HACD1: variants seen among roughly 807,000 people sequenced by gnomAD.
HACD1 encodes 3-hydroxyacyl-CoA dehydratase 1.
HACD1 carries 41 observed loss-of-function variants against 32.0 expected under a neutral mutation model. That is an observed-to-expected ratio of 1.28 (90% CI 1.00 to 1.66). HACD1 has a LOEUF of 1.66. Among genes scored for constraint, HACD1 ranks in the 40% most tolerant of loss-of-function variants. The pLI, the probability that HACD1 is intolerant of heterozygous loss-of-function variation, is 0.00. For synonymous variants in HACD1, 142 were observed against 139.0 expected (o/e 1.02, Z -0.15); for missense variants, 396 against 380.1 (o/e 1.04, Z -0.35).
rs1834057550 is a variant in HACD1, at chr10:17,600,665, T to C, written c.484-1254A>G. On this transcript the variant is annotated intron_variant, in intron 4 of 6. Transcript: ENST00000361271. ...TACTGTACTTTGTTCATATCTGTGT[T>C]GTGGCATTTGCCAATCTGTACTAAG... Among the ~76,000 whole-genome samples the C allele has an allele frequency of 3.3e-5, 5 of 152,124 alleles. No individual in the cohort carries two copies. The South Asian group carries it at 1.0e-3, about 32-fold the overall frequency.
rs190887510 is a variant in HACD1, at chr10:17,594,898, G to A, written c.606-515C>T. ...TTTTGAGATGGAGTCTTACTCTGTC[G>A]CCTAGACTGGAGTGCAGTGGCACAA... On this transcript the variant is annotated intron_variant, in intron 5 of 6. Transcript: ENST00000361271. Among the ~76,000 whole-genome samples the A allele has an allele frequency of 5.6e-3, 788 of 141,322 alleles. 5 individuals are homozygous for A. Among genetic ancestry groups the A allele is most frequent in the African/African-American group, 0.019 (728 of 37,552 alleles). The allele number at this position is 141,322 out of a possible 152,430, so 92.7% of individuals were successfully genotyped here.
intron 1 of HACD1, among the ~76,000 whole-genome samples, chr10:17,613,104 G>C (rs1833015751): frequency 1.5e-5 from 1 of 64,732 alleles, no homozygotes; most frequent in African/African-American, 7.2e-5. Flanking sequence ...TGGGGTGTGT[G>C]TGTGTGTGTG....
chr10:17,613,144 G>GTGTTT (rs1554817711), intron 1 of HACD1, among the ~76,000 whole-genome samples: 3,636 of 128,592 alleles, frequency 0.028, 58 homozygotes, highest in Non-Finnish European at 0.036. Context: ...GTGTGTGTGT[G>GTGTTT]TGTTTTGTTT....
Position 17,617,227 on chromosome 10 carries a change from G to A in HACD1, c.113C>T (p.Ala38Val). ...GTCCTCGTCGCTGGACGCCATGGTG[G>A]CCGCGCACCTGGGGGACGTGGGAGA... is the stretch of plus-strand genomic sequence containing the variant. Reference protein sequence around the residue: ...PLSPTSPRCAATMASSDEDGT... With the variant: ...PLSPTSPRCAVTMASSDEDGT... The change falls in exon 1 of 7, where the codon GCC (alanine) becomes GTC (valine). Residue 38 changes from alanine to valine, a missense_variant. Coordinates refer to ENST00000361271, the MANE Select transcript of HACD1 (RefSeq NM_014241.4). 6.7e-7 allele frequency: 1 copy of A among 1,491,732 alleles called. No individual in the cohort carries two copies. The highest frequency in any genetic ancestry group is 8.9e-7 in the Non-Finnish European group (1 of 1,126,086). The allele number at this position is 1,491,732 out of a possible 1,614,324, so 92.4% of individuals were successfully genotyped here. A position where few individuals can be genotyped will look rare whatever the true frequency, so the allele number is the denominator to read the frequency against.
chr10:17,597,635 C>T (rs1028251456), intron 5 of HACD1, among the ~76,000 whole-genome samples: 3 of 152,146 alleles, frequency 2.0e-5, no homozygotes, highest in Non-Finnish European at 2.9e-5. Flanking sequence ...AAATTCAGCA[C>T]ATGAAAAGAG....
rs148680393 is a variant in HACD1 at position 17,610,156 on chromosome 10, T to C, written c.258-6109A>G. On this transcript the variant is annotated intron_variant, in intron 1 of 6. Coordinates refer to ENST00000361271, the MANE Select transcript of HACD1 (RefSeq NM_014241.4). The stretch of plus-strand genomic sequence containing the variant: ...TAGCAAAAACTGAAGAGAGCCCAAA[T>C]GTCCATCAACAAATGGATGGATGAA... Among the ~76,000 whole-genome samples, 692 of 152,246 alleles carry C rather than the reference T, an allele frequency of 4.5e-3. 3 individuals carry two copies. The highest frequency in any genetic ancestry group is 0.015 in the African/African-American group (634 of 41,552).
intron 1 of HACD1, among the ~76,000 whole-genome samples, chr10:17,611,094 G>A (rs947461873): frequency 1.3e-5 from 2 of 150,444 alleles, no homozygotes; most frequent in East Asian, 2.0e-4. Context: ...TCTGCCTCCC[G>A]GGTTCAAGAG....
intron 6 of HACD1, among the ~76,000 whole-genome samples, chr10:17,591,298 C>T (rs1833925070): frequency 1.3e-5 from 2 of 152,100 alleles, no homozygotes; most frequent in Non-Finnish European, 2.9e-5. Flanking sequence ...ACCCTCAGGA[C>T]CATGGATCAA....
intron 1 of HACD1, among the ~76,000 whole-genome samples, chr10:17,604,313 G>T (rs941375231): frequency 6.6e-6 from 1 of 151,848 alleles, no homozygotes; most frequent in African/African-American, 2.4e-5. Context: ...GTGAAACCCC[G>T]TCTCTACTAA....
At chr10:17,608,788 A>G (rs568400795) in intron 1 of HACD1, among the ~76,000 whole-genome samples, 3 of 152,266 alleles carry the variant, frequency 2.0e-5, no homozygotes, top group African/African-American at 7.2e-5. Context: ...CGTCTGGCCC[A>G]TACTTTCATA....
chr10:17,595,781 G>C (rs11254677), intron 5 of HACD1, among the ~76,000 whole-genome samples: 1,881 of 152,114 alleles, frequency 0.012, 27 homozygotes, highest in African/African-American at 0.042. Context: ...AGAGGCCAGA[G>C]TGCAAGACCA....
chr10:17,598,259 CAAAAA>C (rs34543137), intron 5 of HACD1, among the ~76,000 whole-genome samples: 1 of 89,848 alleles, frequency 1.1e-5, no homozygotes. Context: ...GACCCTGTCT[CAAAAA>C]AAAAAAAAAA....
intron 1 of HACD1, among the ~76,000 whole-genome samples, chr10:17,613,949 G>A (rs1447274136): frequency 1.3e-5 from 2 of 152,288 alleles, no homozygotes; most frequent in Non-Finnish European, 1.5e-5. Flanking sequence ...AAGGGGAATC[G>A]GGAGCAGATT....
Position 17,617,197 on chromosome 10 carries a change from G to C in HACD1, c.143C>G (p.Thr48Ser). ...ATMASSDEDGTNGGASEAGED... is the reference protein window; with the variant it reads ...ATMASSDEDGSNGGASEAGED... ...GCCGGCCTCCGAGGCGCCGCCGTTG[G>C]TGCCGTCCTCGTCGCTGGACGCCAT... The change falls in exon 1 of 7, where the codon ACC becomes AGC. Residue 48 changes from threonine to serine, a missense_variant. By Grantham distance (58) the Thr-to-Ser change is moderately conservative (BLOSUM62 1). Transcript: ENST00000361271. 6.7e-7 allele frequency: 1 copy of C among 1,501,222 alleles called. No individual in the cohort carries two copies. 93.0% of individuals were successfully genotyped at this position (1,501,222 alleles called of 1,614,324 possible). A position where few individuals can be genotyped will look rare whatever the true frequency, so the allele number is the denominator to read the frequency against.
chr10:17,601,065 G>A (rs540367574), intron 4 of HACD1, among the ~76,000 whole-genome samples: 5 of 149,502 alleles, frequency 3.3e-5, no homozygotes, highest in African/African-American at 4.9e-5. Context: ...ACAGAATCTC[G>A]CTCTGTCACC....
At chr10:17,606,495 T>C (rs1269700120) in intron 1 of HACD1, among the ~76,000 whole-genome samples, 1 of 152,206 alleles carries the variant, frequency 6.6e-6, no homozygotes, top group Non-Finnish European at 1.5e-5. Flanking sequence ...TTTTAGATAG[T>C]CTCCAAAGAG....
intron 1 of HACD1, among the ~76,000 whole-genome samples, chr10:17,611,859 C>T (rs1470944643): frequency 6.6e-6 from 1 of 151,582 alleles, no homozygotes; most frequent in African/African-American, 2.4e-5. Flanking sequence ...CCCAGCTACT[C>T]GGGAGGCTGA....
intron 5 of HACD1, among the ~76,000 whole-genome samples, chr10:17,598,885 G>T (rs997792165): frequency 6.6e-6 from 1 of 151,634 alleles, no homozygotes; most frequent in African/African-American, 2.4e-5. Flanking sequence ...AAAACCAATC[G>T]CATTGTGTAA....
intron 6 of HACD1, among the ~76,000 whole-genome samples, chr10:17,593,281 A>C (rs1482733401): frequency 1.3e-5 from 2 of 151,900 alleles, no homozygotes; most frequent in Non-Finnish European, 2.9e-5. Flanking sequence ...TAGAGCTATC[A>C]ATATTTGACT....
Sources: gnomAD v4.1 joint callset for allele counts (sites outside exome capture counted in the v4.1 genomes callset) on GRCh38, gnomAD v4.1.1 for gene constraint, MANE v1.5 for transcripts, NCBI Gene and HGNC (gene_info 2026-07-23, HGNC 2026-07-21) for gene names.